RBFOX1: variants seen among roughly 807,000 people sequenced by gnomAD.
RBFOX1 encodes RNA binding protein fox-1 homolog 1.
A neutral mutation model predicts 57.7 loss-of-function variants in RBFOX1; 8 were observed. The ratio of observed to expected loss-of-function variants is 0.14; its 90% CI spans 0.08 to 0.25. The LOEUF (loss-of-function observed/expected upper bound fraction) is 0.25, where lower values mean the gene tolerates loss of function less well. Among genes scored for constraint, RBFOX1 ranks in the 10% least tolerant of loss-of-function variants. The pLI is 1.00. For missense variants in RBFOX1, 611 were observed against 548.5 expected (o/e 1.11, Z -1.14); for synonymous variants, 326 against 222.4 (o/e 1.47, Z -4.15).
chr16:5,960,058 G>T (rs976621800), intron 4 of RBFOX1, among the ~76,000 whole-genome samples: 1 of 151,986 alleles, frequency 6.6e-6, no homozygotes, highest in Admixed American at 6.6e-5. Context: ...AAAATTAGCC[G>T]GGCATGGTGA....
intron 3 of RBFOX1, among the ~76,000 whole-genome samples, chr16:6,864,427 C>G (rs535329389): frequency 6.6e-6 from 1 of 151,876 alleles, no homozygotes; most frequent in African/African-American, 2.4e-5. Flanking sequence ...AAATCACCAA[C>G]AATTCAGAAA....
chr16:7,589,594 G>A (rs1489727150), intron 7 of RBFOX1, among the ~76,000 whole-genome samples: 2 of 151,918 alleles, frequency 1.3e-5, no homozygotes, highest in Admixed American at 6.6e-5. Flanking sequence ...AGGTGTTGGA[G>A]CTGACTGTTT....
intron 1 of RBFOX1, among the ~76,000 whole-genome samples, chr16:6,313,259 G>A (rs1404961521): frequency 6.6e-6 from 1 of 152,188 alleles, no homozygotes; most frequent in Non-Finnish European, 1.5e-5. Context: ...GATGTCAGGA[G>A]TAAGGTAGGT....
chr16:6,284,648 G>A (rs1421877682), intron 1 of RBFOX1, among the ~76,000 whole-genome samples: 5 of 152,302 alleles, frequency 3.3e-5, no homozygotes, highest in Non-Finnish European at 7.3e-5. Context: ...AGAAAGTGGA[G>A]AGGTCCTTGG....
At chr16:6,015,426 T>C (rs974115919), upstream of RBFOX1, among the ~76,000 whole-genome samples, 1 of 152,184 alleles carries the variant, frequency 6.6e-6, no homozygotes, top group Non-Finnish European at 1.5e-5. Context: ...ATCATTATGG[T>C]AATGGTGCAT....
At chr16:5,565,640 A>ATAAG (rs1454684846) in intron 2 of RBFOX1, among the ~76,000 whole-genome samples, 2 of 149,194 alleles carry the variant, frequency 1.3e-5, no homozygotes, top group African/African-American at 2.5e-5. Flanking sequence ...AAATAAATAA[A>ATAAG]TAAATAAATA....
At chr16:5,694,000 G>C (rs2050772745) in intron 3 of RBFOX1, among the ~76,000 whole-genome samples, 2 of 152,186 alleles carry the variant, frequency 1.3e-5, no homozygotes, top group Admixed American at 1.3e-4. Context: ...CTAGCATCTA[G>C]CACACAGCTT....
chr16:7,709,135 A>G lies in RBFOX1; in HGVS notation c.1071+4A>G. ...CACCTACGGCGTTGGTGCCATGGTG[A>G]GTACAAGTTTCTCCTTGTCCTCACT... On this transcript the variant is annotated splice_donor_region_variant and intron_variant, in intron 15 of 15. Transcript: ENST00000550418. 1 of 1,609,324 alleles carries G rather than the reference A, an allele frequency of 6.2e-7. No individual in the cohort carries two copies. Among genetic ancestry groups the G allele is most frequent in the Non-Finnish European group, 8.5e-7 (1 of 1,176,060 alleles).
intron 3 of RBFOX1, among the ~76,000 whole-genome samples, chr16:6,783,054 A>T (rs1322615064): frequency 6.6e-6 from 1 of 151,330 alleles, no homozygotes; most frequent in Non-Finnish European, 1.5e-5. Context: ...ACAGCTCTTT[A>T]TGTTCTTTTT....
chr16:7,612,833 C>T (rs192991424), intron 10 of RBFOX1, among the ~76,000 whole-genome samples: 10 of 152,146 alleles, frequency 6.6e-5, no homozygotes, highest in African/African-American at 1.2e-4. Flanking sequence ...AGCTCACCCA[C>T]GTTGTATATC....
intron 5 of RBFOX1, among the ~76,000 whole-genome samples, chr16:7,570,197 A>G (rs1271255205): frequency 6.6e-6 from 1 of 151,334 alleles, no homozygotes; most frequent in Non-Finnish European, 1.5e-5. Context: ...ACTTCTAAGA[A>G]TTCTAAAATG....
At chr16:6,680,830 C>G (rs946196890) in intron 3 of RBFOX1, among the ~76,000 whole-genome samples, 2 of 152,148 alleles carry the variant, frequency 1.3e-5, no homozygotes. Flanking sequence ...TTAAAAGCTT[C>G]TTGGTTAAAA....
chr16:5,760,961 A>C (rs2053571541), intron 3 of RBFOX1, among the ~76,000 whole-genome samples: 1 of 152,226 alleles, frequency 6.6e-6, no homozygotes, highest in Non-Finnish European at 1.5e-5. Flanking sequence ...TGAATTATTC[A>C]CTTTAAAATG....
intron 1 of RBFOX1, among the ~76,000 whole-genome samples, chr16:6,190,988 C>T (rs972596652): frequency 6.6e-6 from 1 of 152,080 alleles, no homozygotes; most frequent in Non-Finnish European, 1.5e-5. Context: ...GGCAGCCTCC[C>T]AGCCTCTCCC....
intron 3 of RBFOX1, among the ~76,000 whole-genome samples, chr16:5,854,913 C>T (rs563812746): frequency 6.6e-6 from 1 of 152,296 alleles, no homozygotes; most frequent in East Asian, 1.9e-4. Flanking sequence ...TTTGGTAACC[C>T]AGCCTAACAA....
At chr16:5,481,283 G>A (rs1319098629) in intron 2 of RBFOX1, among the ~76,000 whole-genome samples, 1 of 152,144 alleles carries the variant, frequency 6.6e-6, no homozygotes, top group Non-Finnish European at 1.5e-5. Flanking sequence ...CATAATGTCT[G>A]GTTTCTTGTT....
intron 3 of RBFOX1, among the ~76,000 whole-genome samples, chr16:7,006,056 C>G (rs2093272832): frequency 6.6e-6 from 1 of 152,188 alleles, no homozygotes; most frequent in Non-Finnish European, 1.5e-5. Context: ...ATATGTTCTC[C>G]TTTGCAATAG....
At chr16:6,914,614 C>T (rs940501459) in intron 3 of RBFOX1, among the ~76,000 whole-genome samples, 22 of 152,052 alleles carry the variant, frequency 1.4e-4, no homozygotes, top group African/African-American at 4.3e-4. Flanking sequence ...TGGCTCACGC[C>T]TCTAATCGCA....
chr16:6,658,238 C>G (rs374430965), intron 3 of RBFOX1, among the ~76,000 whole-genome samples: 1 of 150,646 alleles, frequency 6.6e-6, no homozygotes, highest in Non-Finnish European at 1.5e-5. Flanking sequence ...GGAAGAGAGC[C>G]TTCATTTTTT....
Sources: allele counts gnomAD v4.1 joint callset (sites outside exome capture counted in the v4.1 genomes callset), GRCh38; gene constraint gnomAD v4.1.1; transcripts MANE v1.5; gene names NCBI Gene and HGNC (gene_info 2026-07-23, HGNC 2026-07-21).